Variants in LYRM1 observed in about 807,000 individuals in gnomAD.
LYRM1 encodes the protein LYR motif-containing protein 1.
LYRM1 carries 14 observed loss-of-function variants against 14.9 expected under a neutral mutation model. The ratio of observed to expected loss-of-function variants is 0.94; its 90% confidence interval spans 0.62 to 1.47. LYRM1 has a LOEUF of 1.47. LYRM1 is among the 40% of genes most tolerant of loss of function. LYRM1 has a pLI of 0.00. For missense variants in LYRM1, 153 were observed against 149.9 expected (o/e 1.02, Z -0.11); for synonymous variants, 43 against 56.2 (o/e 0.77, Z 1.05).
At chr16:20,914,104 G>A (rs985944642) in intron 1 of LYRM1, among the ~76,000 whole-genome samples, 3 of 151,956 alleles carry the variant, frequency 2.0e-5, no homozygotes, top group Non-Finnish European at 2.9e-5. Context: ...CACTGCACCC[G>A]GCCAGTCATC....
intron 1 of LYRM1, among the ~76,000 whole-genome samples, chr16:20,914,675 T>A (rs1016415639): frequency 6.6e-5 from 10 of 152,160 alleles, no homozygotes; most frequent in African/African-American, 1.7e-4. Context: ...TTGCCACCTA[T>A]TTTTAAGCTA....
At chr16:20,911,130 A>G (rs1377516126) in intron 1 of LYRM1, 1 of 152,198 alleles carries the variant, frequency 6.6e-6, no homozygotes, top group Non-Finnish European at 1.5e-5. Flanking sequence ...GCAGCCTCAT[A>G]GACTCAGAAT....
chr16:20,918,520 A>G (rs538554262), intron 2 of LYRM1, among the ~76,000 whole-genome samples: 6 of 152,320 alleles, frequency 3.9e-5, no homozygotes, highest in East Asian at 3.9e-4. Flanking sequence ...TAACATTAGT[A>G]TAAGTAGTAT....
chr16:20,904,199 C>T (rs1368285657), intron 1 of LYRM1, among the ~76,000 whole-genome samples: 3 of 152,142 alleles, frequency 2.0e-5, no homozygotes, highest in Non-Finnish European at 4.4e-5. Context: ...GAACTTCTAT[C>T]CCTGATGGGA....
chr16:20,904,525 T>A (rs2082220785), intron 1 of LYRM1, among the ~76,000 whole-genome samples: 1 of 152,208 alleles, frequency 6.6e-6, no homozygotes, highest in Admixed American at 6.5e-5. Context: ...TATCATTTTC[T>A]GTGTAAAAAG....
At chr16:20,911,884 C>T (rs1196171060) in intron 1 of LYRM1, among the ~76,000 whole-genome samples, 1 of 152,098 alleles carries the variant, frequency 6.6e-6, no homozygotes, top group Non-Finnish European at 1.5e-5. Flanking sequence ...AGGAATGAGC[C>T]ACTGGAGCCA....
chr16:20,900,708 C>G (rs2081991587), upstream of LYRM1: 1 of 152,398 alleles, frequency 6.6e-6, no homozygotes, highest in African/African-American at 2.4e-5. Context: ...TCAGTCGAGA[C>G]TCCCCCAGAC....
At chr16:20,918,632 A>G (rs544994110) in intron 2 of LYRM1, among the ~76,000 whole-genome samples, 7 of 151,868 alleles carry the variant, frequency 4.6e-5, no homozygotes, top group Admixed American at 1.3e-4. Flanking sequence ...AGAAGCCCCA[A>G]CCCCCTTAAC....
At chr16:20,914,353 A>G (rs372600961) in intron 1 of LYRM1, among the ~76,000 whole-genome samples, 1 of 147,798 alleles carries the variant, frequency 6.8e-6, no homozygotes, top group African/African-American at 2.5e-5. Flanking sequence ...CAATGGTGCA[A>G]TCTTGGCTCA....
chr16:20,910,723 A>G (rs1036050000), intron 1 of LYRM1, among the ~76,000 whole-genome samples: 11 of 152,098 alleles, frequency 7.2e-5, no homozygotes, highest in Admixed American at 2.6e-4. Context: ...GCAGTGAGCC[A>G]TGATCATGCC....
chr16:20,903,928 G>A (rs977679228), intron 1 of LYRM1, among the ~76,000 whole-genome samples: 3 of 151,486 alleles, frequency 2.0e-5, no homozygotes, highest in Non-Finnish European at 2.9e-5. Flanking sequence ...CAGACTTTTC[G>A]ATTTGATATG....
chr16:20,908,900 A>C (rs765352820), intron 1 of LYRM1, among the ~76,000 whole-genome samples: 8 of 152,222 alleles, frequency 5.3e-5, no homozygotes, highest in Non-Finnish European at 1.0e-4. Context: ...GTAGCTCCCA[A>C]ACTTCAGAGT....
At chr16:20,903,334 T>A (rs950122813) in intron 1 of LYRM1, among the ~76,000 whole-genome samples, 1 of 152,214 alleles carries the variant, frequency 6.6e-6, no homozygotes, top group Non-Finnish European at 1.5e-5. Flanking sequence ...TCTATGTGGC[T>A]CATGCTCAGG....
intron 1 of LYRM1, among the ~76,000 whole-genome samples, chr16:20,908,573 G>T (rs1596712748): frequency 6.6e-6 from 1 of 152,156 alleles, no homozygotes; most frequent in East Asian, 1.9e-4. Flanking sequence ...TGCATATATA[G>T]AGTACCTAGC....
chr16:20,900,782 G>C lies in LYRM1; in HGVS notation c.-108G>C, dbSNP rs1215157314. ...TGGTCCGGCCTGGCCTACTGGACCA[G>C]CCTGTGCTCGGTCGGCCACGGCTCT... On this transcript the variant is annotated 5_prime_UTR_variant, in exon 1 of 4. Coordinates refer to ENST00000567954, the MANE Select transcript of LYRM1 (RefSeq NM_001128302.3). 1 of 152,424 alleles carries C rather than the reference G, an allele frequency of 6.6e-6. No individual in the cohort carries two copies. Among genetic ancestry groups the C allele is most frequent in the Non-Finnish European group, 1.5e-5 (1 of 68,230 alleles). 9.4% of individuals were successfully genotyped at this position (152,424 alleles called of 1,614,324 possible).
intron 3 of LYRM1, among the ~76,000 whole-genome samples, chr16:20,921,138 T>C (rs974086058): frequency 6.6e-6 from 1 of 152,132 alleles, no homozygotes; most frequent in Non-Finnish European, 1.5e-5. Context: ...TCACCCAAGC[T>C]AGGTACAGTG....
In LYRM1 at chr16:20,924,305, T is replaced by A. The variant is rs138035292; in HGVS notation, c.*189T>A. On this transcript the variant is annotated 3_prime_UTR_variant, in exon 4 of 4. Coordinates refer to ENST00000567954, the MANE Select transcript of LYRM1 (RefSeq NM_001128302.3). ...CTCAGCATCTTTCTTCCTGAGTGGA[T>A]GGCATTATCCCTAGAGGTCATGGAC... is the stretch of plus-strand genomic sequence containing the variant. 1.9e-6 allele frequency: 1 copy of A among 538,056 alleles called. No homozygotes were observed. The highest frequency in any genetic ancestry group is 1.9e-5 in the African/African-American group (1 of 52,354). The allele number at this position is 538,056 out of a possible 1,614,324, so 33.3% of individuals were successfully genotyped here.
chr16:20,919,403 T>A (rs1269494242), intron 2 of LYRM1, among the ~76,000 whole-genome samples: 1 of 152,196 alleles, frequency 6.6e-6, no homozygotes, highest in Non-Finnish European at 1.5e-5. Context: ...GGTAGGAATG[T>A]AAATTGGTGT....
rs1223580131 is a variant in LYRM1 at position 20,924,243 on chromosome 16, T to TC, written c.*132dup. On this transcript the variant is annotated 3_prime_UTR_variant, in exon 4 of 4. Transcript: ENST00000567954. Reference sequence around the variant, plus strand: ...TTCTTAAAACCTCCACAATTGATTCTCCCCCTGTGATGTAAACTTAGATAT... The same window carrying TC: ...TTCTTAAAACCTCCACAATTGATTCTCCCCCCTGTGATGTAAACTTAGATAT... The TC allele has an allele frequency of 1.6e-6, 1 of 610,400 alleles. No homozygotes were observed. The highest frequency in any genetic ancestry group is 3.0e-6 in the Non-Finnish European group (1 of 338,932). 37.8% of individuals were successfully genotyped at this position (610,400 alleles called of 1,614,324 possible).
Sources: gnomAD v4.1 joint callset for allele counts (sites outside exome capture counted in the v4.1 genomes callset) on GRCh38, gnomAD v4.1.1 for gene constraint, MANE v1.5 for transcripts, NCBI Gene and HGNC (gene_info 2026-07-23, HGNC 2026-07-21) for gene names.